MTR: variants seen among roughly 807,000 people sequenced by gnomAD.
MTR encodes the protein 5-methyltetrahydrofolate-homocysteine methyltransferase.
A neutral mutation model predicts 154.8 loss-of-function variants in MTR; 84 were observed. The observed-to-expected ratio is 0.54, with a 90% CI of 0.45 to 0.65. The LOEUF is 0.65. MTR is among the 30% of genes least tolerant of loss of function. The pLI, the probability that MTR is intolerant of heterozygous loss-of-function variation, is 0.00. For missense variants in MTR, 1,275 were observed against 1,570.2 expected (o/e 0.81, Z 3.18); for synonymous variants, 554 against 553.9 (o/e 1.00, Z 0.00).
chr1:236,845,391 T>A (rs1663509891), intron 15 of MTR, among the ~76,000 whole-genome samples: 1 of 152,230 alleles, frequency 6.6e-6, no homozygotes, highest in African/African-American at 2.4e-5. Context: ...TAAAAAATGG[T>A]CAAGGTCTGT....
At chr1:236,811,061 T>TTACA (rs1306827456) in intron 5 of MTR, among the ~76,000 whole-genome samples, 3 of 152,178 alleles carry the variant, frequency 2.0e-5, no homozygotes, top group South Asian at 4.1e-4. Context: ...TTTAATGGAC[T>TTACA]TACAGTTCCA....
At position 236,897,821 on chromosome 1, in the gene MTR, G is replaced by A. The variant is rs1572354582; in HGVS notation, c.*177G>A. 1 of 635,508 alleles carries A rather than the reference G, an allele frequency of 1.6e-6. No homozygotes were observed. The highest frequency in any genetic ancestry group is 2.7e-6 in the Non-Finnish European group (1 of 366,300). 39.4% of individuals were successfully genotyped at this position (635,508 alleles called of 1,614,324 possible). On this transcript the variant is annotated 3_prime_UTR_variant, in exon 33 of 33. Transcript: ENST00000366577. ...TAGAGGAGCAGGGTCTTCCTGCAGTGCCTGGAAAACAGGCGCTGTTTTTTT... is the reference window on the plus strand; with the variant it reads ...TAGAGGAGCAGGGTCTTCCTGCAGTACCTGGAAAACAGGCGCTGTTTTTTT...
intron 25 of MTR, among the ~76,000 whole-genome samples, chr1:236,883,420 G>A (rs1013210841): frequency 6.6e-6 from 1 of 152,204 alleles, no homozygotes; most frequent in Non-Finnish European, 1.5e-5. Context: ...AACTGCAGCG[G>A]TATGTTCTGT....
chr1:236,825,822 C>G (rs1662257577), intron 10 of MTR, among the ~76,000 whole-genome samples: 1 of 152,220 alleles, frequency 6.6e-6, no homozygotes. Flanking sequence ...GTCATGAGAC[C>G]ATACTATCCA....
intron 19 of MTR, among the ~76,000 whole-genome samples, chr1:236,860,138 C>G (rs1397332233): frequency 1.6e-5 from 2 of 128,454 alleles, no homozygotes; most frequent in African/African-American, 2.9e-5. Flanking sequence ...ATTGTCGTAA[C>G]TGTGCCTGGG....
At chr1:236,855,263 G>A (rs748279353) in intron 18 of MTR, among the ~76,000 whole-genome samples, 14 of 152,162 alleles carry the variant, frequency 9.2e-5, no homozygotes, top group Non-Finnish European at 1.8e-4. Flanking sequence ...GAAACTAGTG[G>A]GAAGAGTATA....
rs1336791681 is a variant in MTR at position 236,898,109 on chromosome 1, TA to T, written c.*467del. On this transcript the variant is annotated 3_prime_UTR_variant, in exon 33 of 33. Transcript: ENST00000366577. Reference sequence around the variant, plus strand: ...TGGGGCATTTTAATCTAAGTGGTTATAACAGTGGATTCTGACGGGGAAGGTG... The same window carrying T: ...TGGGGCATTTTAATCTAAGTGGTTATACAGTGGATTCTGACGGGGAAGGTG... 1 of 190,790 alleles carries T rather than the reference TA, an allele frequency of 5.2e-6. No homozygotes were observed. Among genetic ancestry groups the T allele is most frequent in the Non-Finnish European group, 1.1e-5 (1 of 92,822 alleles). The allele number at this position is 190,790 out of a possible 1,614,324, so 11.8% of individuals were successfully genotyped here. A position where few individuals can be genotyped will look rare whatever the true frequency, so the allele number is the denominator to read the frequency against.
chr1:236,844,892 G>T lies in MTR; in HGVS notation c.1516-5452G>T, dbSNP rs142810493. ...CACTCTGACAGGGAAGGCAGTCACT[G>T]CTGGAGCTTTTGAAAAATCGTACAC... On this transcript the variant is annotated intron_variant, in intron 15 of 32. Transcript: ENST00000366577. Among the ~76,000 whole-genome samples the T allele has an allele frequency of 1.6e-4, 24 of 152,310 alleles. 1 individual carries two copies. The East Asian group carries it at 3.9e-3, about 24-fold the overall frequency.
intron 22 of MTR, among the ~76,000 whole-genome samples, chr1:236,867,749 C>G (rs1222615662): frequency 6.6e-6 from 1 of 152,156 alleles, no homozygotes; most frequent in Non-Finnish European, 1.5e-5. Context: ...TTGAGGGATT[C>G]AAGACTTCAG....
chr1:236,800,941 C>A (rs1379592012), intron 1 of MTR, among the ~76,000 whole-genome samples: 2 of 152,180 alleles, frequency 1.3e-5, no homozygotes, highest in African/African-American at 4.8e-5. Context: ...CTAAGGGGAG[C>A]TGGGGCTAAA....
rs762564903 is a variant in MTR, at chr1:236,826,854, A to G, written c.953A>G (p.Asn318Ser). 9 of 1,614,170 alleles carry G rather than the reference A, an allele frequency of 5.6e-6. No homozygotes were observed. The highest frequency in any genetic ancestry group is 2.7e-5 in the African/African-American group (2 of 75,062). The change falls in exon 11 of 33, where the codon AAT (asparagine) becomes AGT (serine). Residue 318 changes from asparagine (N) to serine (S), a missense_variant. By Grantham distance (46) the Asn-to-Ser change is conservative. Coordinates refer to ENST00000366577, the MANE Select transcript of MTR (RefSeq NM_000254.3). ...GATTTTGCTATGGATGGCTTGGTCA[A>G]TATAGTTGGAGGATGCTGTGGGTCA... The part of the protein sequence containing the change: ...LKDFAMDGLV[N>S]IVGGCCGSTP...
intron 31 of MTR, 83 bp from the exon 32 acceptor site, chr1:236,896,923 A>G (rs1317384735): frequency 5.1e-6 from 5 of 972,964 alleles, no homozygotes; most frequent in Non-Finnish European, 8.4e-6. Context: ...TTGTTCAACA[A>G]GAGTTCATTG....
chr1:236,841,437 A>G (rs1303469323), intron 15 of MTR, among the ~76,000 whole-genome samples: 1 of 152,154 alleles, frequency 6.6e-6, no homozygotes, highest in East Asian at 1.9e-4. Flanking sequence ...CCCTAGTTGT[A>G]TAAATCTCAA....
At chr1:236,873,866 T>C in intron 23 of MTR, 26 bp downstream of exon 23, 1 of 1,603,448 alleles carries the variant, frequency 6.2e-7, no homozygotes, top group East Asian at 2.2e-5. Flanking sequence ...ACTTTGGGCA[T>C]TTCTCTAAAT....
In MTR at chr1:236,797,958, CA is replaced by C. The variant is rs754624577; in HGVS notation, c.34+2230del. 1.9e-3 allele frequency among the ~76,000 whole-genome samples: 263 copies of C among 139,678 alleles called. 3 individuals are homozygous for C. Among genetic ancestry groups the C allele is most frequent in the South Asian group, 0.019 (83 of 4,414 alleles). 91.6% of individuals were successfully genotyped at this position (139,678 alleles called of 152,430 possible). On this transcript the variant is annotated intron_variant, in intron 1 of 32. Transcript: ENST00000366577. ...GGGTGAGAGAGTGAGACTTAGTCTC[CA>C]AAAAAAAACAAAACAAAACAAAACA...
At position 236,897,608 on chromosome 1, in the gene MTR, A is replaced by G. The variant is rs957139452; in HGVS notation, c.3762A>G (p.Lys1254=). ...RKNISVAEVE[K]WLGPILGYDT... is the part of the protein sequence containing the mutation. ...ACATATCTGTGGCTGAGGTTGAGAA[A>G]TGGCTTGGACCCATTTTGGGATATG... The change falls in exon 33 of 33, where the codon AAA becomes AAG. Residue 1254 remains lysine, a synonymous_variant. Transcript: ENST00000366577. 14 of 1,613,446 alleles carry G rather than the reference A, an allele frequency of 8.7e-6. No individual in the cohort carries two copies. The Admixed American group carries it at 2.0e-4, about 23-fold the overall frequency.
intron 24 of MTR, among the ~76,000 whole-genome samples, chr1:236,880,201 CCT>C (rs1558334048): frequency 6.6e-6 from 1 of 152,028 alleles, no homozygotes; most frequent in Non-Finnish European, 1.5e-5. Context: ...CTTGCTTTTG[CCT>C]CTCTGTATTA....
Position 236,845,312 on chromosome 1 carries a change from C to T in MTR, c.1516-5032C>T, listed in dbSNP as rs142652627. On this transcript the variant is annotated intron_variant, in intron 15 of 32. Transcript: ENST00000366577. ...AAATGTAGGAAAAAAAATTAACTTG[C>T]TAGTTATGAAAGATATACAAATTAG... Among the ~76,000 whole-genome samples, 83 of 152,276 alleles carry T rather than the reference C, an allele frequency of 5.5e-4. 2 individuals are homozygous for T. The East Asian group carries it at 0.016, about 29-fold the overall frequency.
chr1:236,859,146 A>G (rs1770585), intron 18 of MTR, among the ~76,000 whole-genome samples: 152,326 of 152,380 alleles, frequency 1, 76,136 homozygotes, highest in Non-Finnish European at 1. Context: ...CAGCTGGAAA[A>G]TCCAAGAGTA....
Sources: gnomAD v4.1 joint callset for allele counts (sites outside exome capture counted in the v4.1 genomes callset) on GRCh38, gnomAD v4.1.1 for gene constraint, MANE v1.5 for transcripts, NCBI Gene and HGNC (gene_info 2026-07-23, HGNC 2026-07-21) for gene names.